Variants in SH3BGRL observed in about 807,000 individuals in gnomAD.
SH3BGRL encodes the protein SH3 domain binding glutamate rich protein like, also known as adapter SH3BGRL.
SH3BGRL carries 7 observed loss-of-function variants against 9.8 expected under a neutral mutation model. The ratio of observed to expected loss-of-function variants is 0.72; its 90% CI spans 0.41 to 1.35. SH3BGRL has a LOEUF of 1.35. Among genes scored for constraint, SH3BGRL ranks in the 40% most tolerant of loss-of-function variants. The pLI, the probability that SH3BGRL is intolerant of heterozygous loss-of-function variation, is 0.01. For missense variants in SH3BGRL, 73 were observed against 84.4 expected (o/e 0.86, Z 0.53); for synonymous variants, 36 against 29.1 (o/e 1.24, Z -0.76).
At chrX:81,271,122 G>A (rs1466117012) in intron 1 of SH3BGRL, among the ~76,000 whole-genome samples, 1 of 111,736 alleles carries the variant, frequency 8.9e-6, no homozygotes, top group African/African-American at 3.3e-5. Flanking sequence ...TATTTGGGCA[G>A]GAGTGTACTT....
chrX:81,277,110 C>T lies in SH3BGRL; in HGVS notation c.172C>T (p.Arg58Ter), dbSNP rs2075800705. 1.7e-6 allele frequency: 2 copies of T among 1,206,129 alleles called. No individual in the cohort carries two copies. The highest frequency in any genetic ancestry group is 2.2e-5 in the Admixed American group (1 of 45,117). Residue 58 changes from arginine to a stop codon, truncating the protein, a stop_gained, in exon 2 of 4, where the codon CGA (arginine) becomes TGA (stop). Coordinates refer to ENST00000373212, the MANE Select transcript of SH3BGRL (RefSeq NM_003022.3). LOFTEE classifies it high-confidence loss of function. ...WMRENVPENS[R>*]PATGYPLPPQ... ...GAGAGAAAATGTACCTGAAAATAGT[C>T]GACCAGCCACAGGTTACCCCCTGCC... is the stretch of plus-strand genomic sequence containing the variant.
At chrX:81,276,159 A>T (rs192932290) in intron 1 of SH3BGRL, among the ~76,000 whole-genome samples, 146 of 110,474 alleles carry the variant, frequency 1.3e-3, no homozygotes, top group African/African-American at 4.8e-3. Flanking sequence ...GTTCTAAAAG[A>T]AATGCATGTC....
chrX:81,267,462 A>G (rs1329743054), intron 1 of SH3BGRL, among the ~76,000 whole-genome samples: 3 of 112,114 alleles, frequency 2.7e-5, no homozygotes, highest in South Asian at 3.7e-4. Context: ...CTATTGAGAT[A>G]ATCATGTGCT....
intron 1 of SH3BGRL, 32 bp from the exon 2 acceptor site, chrX:81,276,952 G>A: frequency 8.6e-7 from 1 of 1,164,300 alleles, no homozygotes; most frequent in Non-Finnish European, 1.2e-6. Context: ...TGTTGAATTT[G>A]GAAAATACGG....
chrX:81,211,046 C>T (rs1468923376), intron 1 of SH3BGRL, among the ~76,000 whole-genome samples: 1 of 112,097 alleles, frequency 8.9e-6, no homozygotes, highest in African/African-American at 3.2e-5. Flanking sequence ...GATTTTAAAG[C>T]TTTTTTAGCT....
chrX:81,219,415 A>G (rs1021778310), intron 1 of SH3BGRL, among the ~76,000 whole-genome samples: 1 of 110,165 alleles, frequency 9.1e-6, no homozygotes, highest in African/African-American at 3.3e-5. Context: ...TTTCTTTCTC[A>G]GATTGTTCAC....
At chrX:81,243,224 T>A (rs1412165713) in intron 1 of SH3BGRL, among the ~76,000 whole-genome samples, 1 of 112,352 alleles carries the variant, frequency 8.9e-6, no homozygotes, top group Non-Finnish European at 1.9e-5. Flanking sequence ...TGAGATCCTG[T>A]CATTTGCAAC....
chrX:81,286,037 T>C (rs1342923066), intron 3 of SH3BGRL, among the ~76,000 whole-genome samples: 2 of 112,032 alleles, frequency 1.8e-5, no homozygotes, highest in Non-Finnish European at 3.8e-5. Context: ...AGAATCCTTC[T>C]GTGTAAGACA....
At chrX:81,247,502 G>A (rs1176497153) in intron 1 of SH3BGRL, among the ~76,000 whole-genome samples, 1 of 111,534 alleles carries the variant, frequency 9.0e-6, no homozygotes, top group East Asian at 2.8e-4. Context: ...TTTCTTGAGG[G>A]TTTTTATCAT....
intron 3 of SH3BGRL, among the ~76,000 whole-genome samples, chrX:81,280,520 CA>C (rs1232476173): frequency 8.9e-6 from 1 of 111,776 alleles, no homozygotes; most frequent in Non-Finnish European, 1.9e-5. Flanking sequence ...CCGCCAGTAC[CA>C]ACCAGGATCT....
chrX:81,290,651 A>G (rs1303278186), intron 3 of SH3BGRL, among the ~76,000 whole-genome samples: 1 of 111,153 alleles, frequency 9.0e-6, no homozygotes, highest in Admixed American at 9.6e-5. Context: ...AAGATCTAGT[A>G]TTTGATACCA....
At position 81,277,036 on chromosome X, in the gene SH3BGRL, G is replaced by T; in HGVS notation, c.98G>T (p.Gly33Val). The T allele has an allele frequency of 8.3e-7, 1 of 1,208,578 alleles. No homozygotes were observed. The change falls in exon 2 of 4, where the codon GGA becomes GTA. Residue 33 changes from glycine (G) to valine (V), a missense_variant. By Grantham distance (109) the Gly-to-Val change is moderately radical. Coordinates refer to ENST00000373212, the MANE Select transcript of SH3BGRL (RefSeq NM_003022.3). ...GGTTTCCTAGAAGCCAACAAAATAG[G>T]ATTTGAAGAAAAAGATATTGCAGCC... is the stretch of plus-strand genomic sequence containing the variant. ...VLGFLEANKI[G>V]FEEKDIAANE...
At chrX:81,277,441 C>G (rs768909720) in intron 2 of SH3BGRL, among the ~76,000 whole-genome samples, 21 of 112,382 alleles carry the variant, frequency 1.9e-4, no homozygotes, top group Admixed American at 1.0e-3. Context: ...GTAGGAATCC[C>G]AACCAAATTT....
Position 81,212,216 on chromosome X carries a change from G to A in SH3BGRL, c.45+9971G>A, listed in dbSNP as rs75154551. Among the ~76,000 whole-genome samples the A allele has an allele frequency of 4.1e-4, 45 of 109,421 alleles. No individual in the cohort carries two copies. In the East Asian group the frequency reaches 0.013, roughly 31 times the overall value. On this transcript the variant is annotated intron_variant, in intron 1 of 3. Coordinates refer to ENST00000373212, the MANE Select transcript of SH3BGRL (RefSeq NM_003022.3). Reference sequence around the variant, plus strand: ...TTGAGACCAGCTTGGGGAACAAAGTGAGACCCTGTCTCTACAAAAAATAAA... The same window carrying A: ...TTGAGACCAGCTTGGGGAACAAAGTAAGACCCTGTCTCTACAAAAAATAAA...
At position 81,226,540 on chromosome X, in the gene SH3BGRL, A is replaced by C. The variant is rs140048244; in HGVS notation, c.45+24295A>C. On this transcript the variant is annotated intron_variant, in intron 1 of 3. Coordinates refer to ENST00000373212, the MANE Select transcript of SH3BGRL (RefSeq NM_003022.3). ...TATATATCTATATCTCTCTCTCTATATATATATATATAATTTTTGTTATAT... is the reference window on the plus strand; with the variant it reads ...TATATATCTATATCTCTCTCTCTATCTATATATATATAATTTTTGTTATAT... 9.8e-3 allele frequency among the ~76,000 whole-genome samples: 999 copies of C among 102,174 alleles called. 8 individuals carry two copies. The highest frequency in any genetic ancestry group is 0.082 in the East Asian group (275 of 3,353). 88.7% of individuals were successfully genotyped at this position (102,174 alleles called of 115,157 possible).
At chrX:81,220,006 T>C (rs1459122722) in intron 1 of SH3BGRL, among the ~76,000 whole-genome samples, 1 of 111,582 alleles carries the variant, frequency 9.0e-6, no homozygotes, top group Non-Finnish European at 1.9e-5. Context: ...AATGTGTTCA[T>C]GAATTCATTT....
chrX:81,287,498 A>C (rs778110540), intron 3 of SH3BGRL, among the ~76,000 whole-genome samples: 1 of 112,224 alleles, frequency 8.9e-6, no homozygotes, highest in African/African-American at 3.2e-5. Context: ...TCAGTAAATA[A>C]AAGCCTGAAA....
At chrX:81,266,945 G>A (rs1470688822) in intron 1 of SH3BGRL, among the ~76,000 whole-genome samples, 1 of 111,464 alleles carries the variant, frequency 9.0e-6, no homozygotes, top group African/African-American at 3.3e-5. Context: ...TGGATTCCTA[G>A]GTATTTTATT....
At chrX:81,208,536 G>A (rs1341135043) in intron 1 of SH3BGRL, among the ~76,000 whole-genome samples, 7 of 112,053 alleles carry the variant, frequency 6.2e-5, no homozygotes, top group African/African-American at 2.3e-4. Context: ...GTTGAATTTT[G>A]TATTTCATTT....
Sources: allele counts gnomAD v4.1 joint callset (sites outside exome capture counted in the v4.1 genomes callset), GRCh38; gene constraint gnomAD v4.1.1; transcripts MANE v1.5; gene names NCBI Gene and HGNC (gene_info 2026-07-23, HGNC 2026-07-21).